ERP44: variants seen among roughly 807,000 people sequenced by gnomAD.
ERP44 encodes endoplasmic reticulum protein 44.
Under a neutral mutation model 53.4 loss-of-function variants are expected in ERP44, and 25 were observed. The observed-to-expected ratio is 0.47, with a 90% CI of 0.34 to 0.65. The LOEUF (loss-of-function observed/expected upper bound fraction) is 0.65, where lower values mean the gene tolerates loss of function less well. Among genes scored for constraint, ERP44 ranks in the 30% least tolerant of loss-of-function variants. The pLI is 0.01. For missense variants in ERP44, 338 were observed against 493.2 expected, an observed-to-expected ratio of 0.69 and a Z score of 2.98; for synonymous variants, 145 against 161.2, an observed-to-expected ratio of 0.90 and a Z score of 0.76.
intron 1 of ERP44, among the ~76,000 whole-genome samples, chr9:100,064,660 A>T (rs1317046116): frequency 6.6e-6 from 1 of 152,150 alleles, no homozygotes; most frequent in African/African-American, 2.4e-5. Flanking sequence ...CACACTGCAT[A>T]AAAATGTTTT....
intron 3 of ERP44, among the ~76,000 whole-genome samples, chr9:100,057,534 C>A (rs1057493536): frequency 6.6e-6 from 1 of 152,118 alleles, no homozygotes; most frequent in Admixed American, 6.5e-5. Context: ...AGGACAAATA[C>A]GGAATTGCAA....
chr9:100,084,874 AG>A (rs1201635947), intron 1 of ERP44, among the ~76,000 whole-genome samples: 17 of 152,250 alleles, frequency 1.1e-4, no homozygotes, highest in Non-Finnish European at 2.1e-4. Flanking sequence ...TACTGTAGAA[AG>A]GGGTATTCCC....
chr9:100,098,656 G>T, intron 1 of ERP44, 128 bp downstream of exon 1: 1 of 717,968 alleles, frequency 1.4e-6, no homozygotes, highest in Non-Finnish European at 2.3e-6. Flanking sequence ...GGGCAGCGGG[G>T]GAGGGTGCAC....
intron 4 of ERP44, among the ~76,000 whole-genome samples, chr9:100,022,672 G>A (rs1286943217): frequency 6.6e-6 from 1 of 152,164 alleles, no homozygotes; most frequent in Non-Finnish European, 1.5e-5. Flanking sequence ...AAGCTGGGGA[G>A]GGGAGGTAAG....
chr9:100,010,136 T>C (rs1830459287), intron 8 of ERP44, among the ~76,000 whole-genome samples: 1 of 152,166 alleles, frequency 6.6e-6, no homozygotes, highest in African/African-American at 2.4e-5. Context: ...TCAACATATA[T>C]CAATAAATAA....
At chr9:99,998,268 G>T in intron 10 of ERP44, 2 of 322,110 alleles carry the variant, frequency 6.2e-6, no homozygotes, top group Non-Finnish European at 6.1e-6. Context: ...GGATACCCTC[G>T]CTCGTCCACG....
chr9:100,097,389 A>C (rs541665410), intron 1 of ERP44, among the ~76,000 whole-genome samples: 164 of 152,252 alleles, frequency 1.1e-3, no homozygotes, highest in African/African-American at 3.7e-3. Context: ...CACACAATTC[A>C]TAACTCAAGC....
chr9:100,045,232 T>A (rs1240147502), intron 4 of ERP44, among the ~76,000 whole-genome samples: 1 of 152,204 alleles, frequency 6.6e-6, no homozygotes, highest in African/African-American at 2.4e-5. Context: ...CACTTGAAAA[T>A]TCCTACTCTT....
chr9:100,002,121 C>T (rs1830384092), intron 10 of ERP44, among the ~76,000 whole-genome samples: 1 of 58,176 alleles, frequency 1.7e-5, no homozygotes, highest in African/African-American at 7.7e-5. Context: ...CTGATAAAAA[C>T]TTTATTCACA....
chr9:100,060,025 G>GT (rs926010879), intron 2 of ERP44, 75 bp downstream of exon 2: 27,849 of 987,306 alleles, frequency 0.028, 8 homozygotes, highest in South Asian at 0.039. Context: ...ATTTTATTGG[G>GT]TTTTTTTTTT....
intron 1 of ERP44, among the ~76,000 whole-genome samples, chr9:100,079,943 CA>C (rs11334671): frequency 0.45 from 54,665 of 121,454 alleles, 12,985 homozygotes; most frequent in African/African-American, 0.72. Context: ...TTAAAAAAAA[CA>C]AAAAAAAAAA....
At chr9:100,000,898 G>T in intron 10 of ERP44, among the ~76,000 whole-genome samples, 1 of 151,482 alleles carries the variant, frequency 6.6e-6, no homozygotes, top group African/African-American at 2.4e-5. Flanking sequence ...CTAAATTTGG[G>T]CTTGGTTTGT....
chr9:100,067,764 G>C (rs1218427063), intron 1 of ERP44, among the ~76,000 whole-genome samples: 34 of 151,740 alleles, frequency 2.2e-4, no homozygotes, highest in African/African-American at 7.5e-4. Flanking sequence ...CTTCCCGGCC[G>C]CCATCCCATC....
intron 1 of ERP44, among the ~76,000 whole-genome samples, chr9:100,093,787 T>G (rs185991657): frequency 6.6e-6 from 1 of 152,324 alleles, no homozygotes; most frequent in African/African-American, 2.4e-5. Flanking sequence ...CTAAGAAGCT[T>G]GATCACACTC....
At chr9:100,032,289 A>T (rs1280125811) in intron 4 of ERP44, among the ~76,000 whole-genome samples, 1 of 152,228 alleles carries the variant, frequency 6.6e-6, no homozygotes, top group Non-Finnish European at 1.5e-5. Context: ...ACTGGGAAGT[A>T]AAAAATCTTA....
intron 4 of ERP44, among the ~76,000 whole-genome samples, chr9:100,029,996 G>A (rs1825764509): frequency 6.6e-6 from 1 of 152,146 alleles, no homozygotes; most frequent in Non-Finnish European, 1.5e-5. Flanking sequence ...GCTGAGGCGG[G>A]AGAATCACTT....
At chr9:99,985,185 C>T in intron 10 of ERP44, 116 bp from the exon 11 acceptor site, 1 of 647,912 alleles carries the variant, frequency 1.5e-6, no homozygotes, top group South Asian at 1.8e-5. Context: ...CCTACCACAA[C>T]TATTGCAGGC....
intron 10 of ERP44, chr9:99,998,963 A>C: frequency 1.3e-6 from 2 of 1,493,810 alleles, no homozygotes; most frequent in Non-Finnish European, 1.9e-6. Context: ...AAAAGTTTTT[A>C]TATTCTGGAT....
At chr9:100,086,871 AAC>A (rs969784470) in intron 1 of ERP44, among the ~76,000 whole-genome samples, 189 of 152,160 alleles carry the variant, frequency 1.2e-3, no homozygotes, top group African/African-American at 4.3e-3. Flanking sequence ...CCACACAACA[AAC>A]ACATGTTTGA....
Sources: allele counts gnomAD v4.1 joint callset (sites outside exome capture counted in the v4.1 genomes callset), GRCh38; gene constraint gnomAD v4.1.1; transcripts MANE v1.5; gene names NCBI Gene and HGNC (gene_info 2026-07-23, HGNC 2026-07-21).